ASIC2: variants seen among roughly 807,000 people sequenced by gnomAD.
ASIC2 encodes the protein acid-sensing ion channel 2.
Under a neutral mutation model 57.3 loss-of-function variants are expected in ASIC2, and 25 were observed. The ratio of observed to expected loss-of-function variants is 0.44; its 90% CI spans 0.32 to 0.61. The LOEUF is 0.61. Among genes scored for constraint, ASIC2 ranks in the 20% least tolerant of loss-of-function variants. The pLI is 0.06. For synonymous variants in ASIC2, 319 were observed against 307.5 expected (o/e 1.04, Z -0.39); for missense variants, 641 against 738.1 (o/e 0.87, Z 1.52).
chr17:34,101,351 G>GT (rs2142100628), intron 1 of ASIC2, among the ~76,000 whole-genome samples: 2 of 152,238 alleles, frequency 1.3e-5, no homozygotes, highest in East Asian at 3.9e-4. Flanking sequence ...AAGCCCCTCT[G>GT]TTTTTCCCCA....
chr17:33,579,286 CAAAA>C (rs71362894), intron 1 of ASIC2, among the ~76,000 whole-genome samples: 6 of 103,688 alleles, frequency 5.8e-5, no homozygotes, highest in Non-Finnish European at 9.6e-5. Context: ...AACTGTGTCT[CAAAA>C]AAAAAAAAAA....
intron 1 of ASIC2, among the ~76,000 whole-genome samples, chr17:33,301,214 A>AT (rs1237628903): frequency 1.5e-5 from 2 of 132,704 alleles, no homozygotes; most frequent in Non-Finnish European, 3.2e-5. Context: ...TTTTTTTTGT[A>AT]TTTTTTGGTA....
chr17:33,882,550 A>G lies in ASIC2; in HGVS notation c.555+273428T>C, dbSNP rs1381281441. Among the ~76,000 whole-genome samples, 4 of 152,170 alleles carry G rather than the reference A, an allele frequency of 2.6e-5. No homozygotes were observed. In the South Asian group the frequency reaches 6.2e-4, roughly 24 times the overall value. On this transcript the variant is annotated intron_variant, in intron 1 of 9. Transcript: ENST00000359872. ...GGCCATCAGAGAAATGCAAATCAAA[A>G]CCCCAATGAGATACCATCTCACACC...
intron 1 of ASIC2, among the ~76,000 whole-genome samples, chr17:33,763,659 C>T (rs1486400262): frequency 3.3e-5 from 5 of 152,186 alleles, no homozygotes; most frequent in Admixed American, 3.3e-4. Flanking sequence ...GGAGCCACTG[C>T]CGGACACATT....
At chr17:33,863,749 C>A (rs927864362) in intron 1 of ASIC2, among the ~76,000 whole-genome samples, 1 of 152,050 alleles carries the variant, frequency 6.6e-6, no homozygotes. Context: ...AATATGCTTC[C>A]GACAATCTCT....
At position 33,250,887 on chromosome 17, in the gene ASIC2, G is replaced by A. The variant is rs140673497; in HGVS notation, c.708+40521C>T. On this transcript the variant is annotated intron_variant, in intron 1 of 9. Coordinates refer to ENST00000225823, the MANE Select transcript of ASIC2 (RefSeq NM_183377.2). ...CTGAGTTTAAAGCTATATGTAATCG[G>A]CATTAGATGGCTTGATGCTGATGAA... Among the ~76,000 whole-genome samples the A allele has an allele frequency of 3.1e-3, 470 of 152,254 alleles. 2 individuals carry two copies. Among genetic ancestry groups the A allele is most frequent in the African/African-American group, 0.011 (443 of 41,548 alleles).
chr17:33,946,074 G>A (rs1472807991), intron 1 of ASIC2, among the ~76,000 whole-genome samples: 1 of 152,122 alleles, frequency 6.6e-6, no homozygotes, highest in Non-Finnish European at 1.5e-5. Context: ...AAGGCACTAT[G>A]CACCTCCTAG....
chr17:33,205,708 G>T (rs1487585995), intron 1 of ASIC2, among the ~76,000 whole-genome samples: 3 of 152,190 alleles, frequency 2.0e-5, no homozygotes, highest in Admixed American at 2.0e-4. Context: ...AGTTCTGGTT[G>T]GGTCCTGACA....
intron 1 of ASIC2, among the ~76,000 whole-genome samples, chr17:34,065,685 G>C (rs1909146669): frequency 6.6e-6 from 1 of 152,148 alleles, no homozygotes; most frequent in Admixed American, 6.5e-5. Context: ...AGGAAGGAAG[G>C]TTTTGCCTAC....
At chr17:33,646,932 C>T (rs752610835) in intron 1 of ASIC2, among the ~76,000 whole-genome samples, 5 of 152,036 alleles carry the variant, frequency 3.3e-5, no homozygotes, top group African/African-American at 4.8e-5. Flanking sequence ...TGGGGGAGAG[C>T]GGTGGAGGAG....
At chr17:33,421,806 T>C (rs921663407) in intron 1 of ASIC2, among the ~76,000 whole-genome samples, 1 of 152,148 alleles carries the variant, frequency 6.6e-6, no homozygotes, top group African/African-American at 2.4e-5. Flanking sequence ...CAGTGCAAGG[T>C]CCAGGTTCCT....
rs144093954 is a variant in ASIC2 at position 33,510,997 on chromosome 17, C to T, written c.556-398930G>A. On this transcript the variant is annotated intron_variant, in intron 1 of 9. Transcript: ENST00000359872. ...TTGCTTAGATGACTGTATTACAGCACACAGCAATTATTACAGATTTTCACA... is the reference window on the plus strand; with the variant it reads ...TTGCTTAGATGACTGTATTACAGCATACAGCAATTATTACAGATTTTCACA... 1.1e-3 allele frequency among the ~76,000 whole-genome samples: 166 copies of T among 152,310 alleles called. 2 individuals carry two copies. The highest frequency in any genetic ancestry group is 3.8e-3 in the African/African-American group (159 of 41,566).
Position 33,172,457 on chromosome 17 carries a change from G to A in ASIC2, c.709-60390C>T, listed in dbSNP as rs147595037. ...CATGGTGGGAATGGCAGTGGTGTTCGCTCTGCAAATATCCTAGGTGTAGGG... is the reference window on the plus strand; with the variant it reads ...CATGGTGGGAATGGCAGTGGTGTTCACTCTGCAAATATCCTAGGTGTAGGG... On this transcript the variant is annotated intron_variant, in intron 1 of 9. Coordinates refer to ENST00000225823, the MANE Select transcript of ASIC2 (RefSeq NM_183377.2). Among the ~76,000 whole-genome samples, 730 of 152,272 alleles carry A rather than the reference G, an allele frequency of 4.8e-3. 16 individuals are homozygous for A. The East Asian group carries it at 0.057, about 12-fold the overall frequency.
At chr17:33,750,163 C>T (rs9890148) in intron 1 of ASIC2, among the ~76,000 whole-genome samples, 2,784 of 152,158 alleles carry the variant, frequency 0.018, 89 homozygotes, top group African/African-American at 0.063. Context: ...GAGGGAGAAA[C>T]TGAGGTTCAA....
intron 1 of ASIC2, among the ~76,000 whole-genome samples, chr17:33,695,624 G>A (rs1474807327): frequency 6.6e-6 from 1 of 152,156 alleles, no homozygotes; most frequent in African/African-American, 2.4e-5. Flanking sequence ...GCTTTCACTG[G>A]ACAATTAAGC....
At chr17:33,783,121 C>A (rs772970523) in intron 1 of ASIC2, among the ~76,000 whole-genome samples, 1 of 152,216 alleles carries the variant, frequency 6.6e-6, no homozygotes, top group Non-Finnish European at 1.5e-5. Context: ...CCACACTGTG[C>A]AGTTTCCTTC....
chr17:33,470,210 A>T (rs1173897430), intron 1 of ASIC2, among the ~76,000 whole-genome samples: 1 of 152,158 alleles, frequency 6.6e-6, no homozygotes, highest in East Asian at 1.9e-4. Flanking sequence ...GGACACCATA[A>T]ACTGTGGGCG....
intron 1 of ASIC2, among the ~76,000 whole-genome samples, chr17:34,040,127 C>T (rs1293360388): frequency 9.8e-6 from 1 of 101,860 alleles, no homozygotes; most frequent in African/African-American, 6.5e-5. Flanking sequence ...GACGCGGCCC[C>T]GGGCCCGGGC....
intron 3 of ASIC2, among the ~76,000 whole-genome samples, chr17:33,064,191 C>T (rs1032127511): frequency 7.2e-5 from 11 of 152,160 alleles, no homozygotes; most frequent in Admixed American, 2.0e-4. Flanking sequence ...AGCTTTGTTC[C>T]GTTGATGGTG....
Sources: gnomAD v4.1 joint callset for allele counts (sites outside exome capture counted in the v4.1 genomes callset) on GRCh38, gnomAD v4.1.1 for gene constraint, MANE v1.5 for transcripts, NCBI Gene and HGNC (gene_info 2026-07-23, HGNC 2026-07-21) for gene names.